HSPG2: variants seen among roughly 807,000 people sequenced by gnomAD.
The protein encoded by HSPG2 is heparan sulfate proteoglycan 2, also known as basement membrane-specific heparan sulfate proteoglycan core protein.
Under a neutral mutation model 526.6 loss-of-function variants are expected in HSPG2, and 278 were observed. That is an observed-to-expected ratio of 0.53 (90% CI 0.48 to 0.58). The LOEUF is 0.58. HSPG2 is among the 20% of genes least tolerant of loss of function. The pLI, the probability that HSPG2 is intolerant of heterozygous loss-of-function variation, is 0.00. For missense variants in HSPG2, 5,354 were observed against 6,099.5 expected (o/e 0.88, Z 4.07); for synonymous variants, 2,465 against 2,555.4 (o/e 0.96, Z 1.07).
chr1:21,901,746 G>C (rs12752439), intron 1 of HSPG2, among the ~76,000 whole-genome samples: 36,261 of 151,950 alleles, frequency 0.24, 5,254 homozygotes, highest in East Asian at 0.39. Context: ...TGTGGGGATG[G>C]AGTGAGCTCA....
At chr1:21,875,147 C>T (rs1033830784) in intron 25 of HSPG2, 145 bp from the exon 26 acceptor site, 7 of 696,094 alleles carry the variant, frequency 1.0e-5, no homozygotes, top group African/African-American at 3.5e-5. Flanking sequence ...CCAGAGGCTG[C>T]GAGGACCGTG....
At position 21,828,322 on chromosome 1, in the gene HSPG2, T is replaced by A; in HGVS notation, c.12342A>T (p.Gln4114His). The A allele has an allele frequency of 1.2e-6, 2 of 1,613,822 alleles. No individual in the cohort carries two copies. Among genetic ancestry groups the A allele is most frequent in the Non-Finnish European group, 1.7e-6 (2 of 1,180,030 alleles). ...CAGCGGGCATGCACGTGGCACCATG[T>A]TGGCAAGGCTGGCGCTCACATGGGG... The part of the protein sequence containing the change: ...DSSPCERQPC[Q>H]HGATCMPAGE... Residue 4114 changes from glutamine (Q) to histidine (H), a missense_variant, in exon 89 of 97, where the codon CAA becomes CAT. By Grantham distance (24) the Gln-to-His change is conservative. Transcript: ENST00000374695. This position sits in a 1 kb window ranked among gnomAD's most constrained non-coding sequence, Gnocchi z 6.0.
intron 74 of HSPG2, among the ~76,000 whole-genome samples, chr1:21,838,131 G>C (rs1472126938): frequency 1.3e-5 from 1 of 79,772 alleles, no homozygotes; most frequent in African/African-American, 5.4e-5. Context: ...GTGAGATTCT[G>C]TCTCAAAAAA....
At chr1:21,857,436 C>A (rs1375725432) in intron 42 of HSPG2, 51 bp from the exon 43 acceptor site, 3 of 1,509,522 alleles carry the variant, frequency 2.0e-6, no homozygotes, top group Admixed American at 3.4e-5. Context: ...AGGCCCCGGT[C>A]CTGTGGCCAC....
rs1423652610 is a variant in HSPG2, at chr1:21,872,460, G to A, written c.4030-83C>T. ...ATGGGGCACGGGAGGGTGTTAAGGT[G>A]CGGAATGGGGTCCTGTTGAGATCAG... On this transcript the variant is annotated intron_variant, in intron 32 of 96. Coordinates refer to ENST00000374695, the MANE Select transcript of HSPG2 (RefSeq NM_005529.7). This position sits in a 1 kb window ranked among gnomAD's most constrained non-coding sequence, Gnocchi z 5.5. 1 of 1,419,726 alleles carries A rather than the reference G, an allele frequency of 7.0e-7. No homozygotes were observed. The highest frequency in any genetic ancestry group is 2.0e-5 in the Admixed American group (1 of 50,400). 87.9% of individuals were successfully genotyped at this position (1,419,726 alleles called of 1,614,324 possible). A position where few individuals can be genotyped will look rare whatever the true frequency, so the allele number is the denominator to read the frequency against.
Position 21,875,660 on chromosome 1 carries a change from C to T in HSPG2, c.3271G>A (p.Ala1091Thr). 1 of 1,602,892 alleles carries T rather than the reference C, an allele frequency of 6.2e-7. No homozygotes were observed. The highest frequency in any genetic ancestry group is 8.5e-7 in the Non-Finnish European group (1 of 1,179,960). Residue 1091 changes from alanine (A) to threonine (T), a missense_variant, in exon 25 of 97, where the codon GCA (alanine) becomes ACA (threonine). Transcript: ENST00000374695. ...TCAGCGGGCTGCTGGGCGTAGGATG[C>T]TCGGATCAGGAGGGTGTCGATGCCT... Reference protein sequence around the residue: ...LAGIDTLLIRASYAQQPAESR... With the variant: ...LAGIDTLLIRTSYAQQPAESR...
intron 13 of HSPG2, among the ~76,000 whole-genome samples, chr1:21,882,651 A>T (rs573616627): frequency 6.6e-6 from 1 of 152,146 alleles, no homozygotes; most frequent in Non-Finnish European, 1.5e-5. Context: ...CACTGGAGAC[A>T]TGTCTTGTGC....
intron 29 of HSPG2, among the ~76,000 whole-genome samples, chr1:21,873,644 AAAG>A (rs1461522837): frequency 1.3e-5 from 2 of 152,096 alleles, no homozygotes; most frequent in South Asian, 2.1e-4. Flanking sequence ...GGAGTTTCAG[AAAG>A]AAGCAGGGGT....
chr1:21,908,168 T>C (rs1228195378), intron 1 of HSPG2: 1 of 828,876 alleles, frequency 1.2e-6, no homozygotes, highest in South Asian at 1.3e-5. Flanking sequence ...AAACATGGAG[T>C]TGTTCCTTTG....
In HSPG2 at chr1:21,885,109, C is replaced by T. The variant is rs143706338; in HGVS notation, c.1259G>A (p.Arg420Gln). The change falls in exon 11 of 97, where the codon CGG becomes CAG. Residue 420 changes from arginine (R) to glutamine (Q), a missense_variant. Arg to Gln is a conservative substitution (Grantham distance 43). Coordinates refer to ENST00000374695, the MANE Select transcript of HSPG2 (RefSeq NM_005529.7). ...TPPRESIQASRGQTVTFTCVA... is the reference protein window; with the variant it reads ...TPPRESIQASQGQTVTFTCVA... ...GCAGGTGAAGGTCACTGTCTGGCCC[C>T]GGGAAGCCTGGATGGACTCCCGGGG... 654 of 1,612,838 alleles carry T rather than the reference C, an allele frequency of 4.1e-4. No homozygotes were observed. Among genetic ancestry groups the T allele is most frequent in the Non-Finnish European group, 5.2e-4 (609 of 1,179,654 alleles).
At chr1:21,899,051 G>A (rs149818879) in intron 1 of HSPG2, among the ~76,000 whole-genome samples, 8 of 152,132 alleles carry the variant, frequency 5.3e-5, no homozygotes, top group Non-Finnish European at 1.2e-4. Flanking sequence ...GCCAGAGCAC[G>A]TCGGGACTTG....
chr1:21,875,565 T>C (rs1422192549), intron 25 of HSPG2, 64 bp downstream of exon 25: 3 of 1,223,366 alleles, frequency 2.5e-6, no homozygotes, highest in Non-Finnish European at 3.6e-6. Flanking sequence ...TGTGCTGTAC[T>C]GCACCGCTTA....
At chr1:21,928,757 T>TC (rs1034550026) in intron 1 of HSPG2, among the ~76,000 whole-genome samples, 1 of 149,390 alleles carries the variant, frequency 6.7e-6, no homozygotes, top group East Asian at 2.0e-4. Flanking sequence ...TCACTTGATT[T>TC]TTTTTTTTTG....
At chr1:21,915,762 AT>A (rs113163773) in intron 1 of HSPG2, among the ~76,000 whole-genome samples, 1 of 152,130 alleles carries the variant, frequency 6.6e-6, no homozygotes, top group Non-Finnish European at 1.5e-5. Context: ...AAGAAACTGA[AT>A]TTTTTGCCGG....
chr1:21,860,178 C>T lies in HSPG2; in HGVS notation c.5013G>A (p.Glu1671=), dbSNP rs1186370534. The change falls in exon 40 of 97, where the codon GAG becomes GAA. Residue 1671 remains glutamate, a splice_region_variant and synonymous_variant. Transcript: ENST00000374695. ...ATCCTGGGCCATGGTCCCACTTACTCTCTGGCAGGCACTGGCCCCCTTGCA... is the reference window on the plus strand; with the variant it reads ...ATCCTGGGCCATGGTCCCACTTACTTTCTGGCAGGCACTGGCCCCCTTGCA... ...PSVQGGQCLP[E]TNQAPLVVEV... is the part of the protein sequence containing the mutation. 20 of 1,613,762 alleles carry T rather than the reference C, an allele frequency of 1.2e-5. No homozygotes were observed. The highest frequency in any genetic ancestry group is 2.2e-5 in the East Asian group (1 of 44,894).
chr1:21,823,535 G>A, intron 96 of HSPG2, 47 bp from the exon 97 acceptor site: 1 of 1,608,978 alleles, frequency 6.2e-7, no homozygotes, highest in Non-Finnish European at 8.5e-7. Flanking sequence ...AGCAGCCCAG[G>A]AGGCGAGGAA....
At chr1:21,896,053 A>G (rs1642720867) in intron 2 of HSPG2, 87 bp from the exon 3 acceptor site, 12 of 1,589,834 alleles carry the variant, frequency 7.5e-6, no homozygotes, top group Non-Finnish European at 9.5e-6. Flanking sequence ...GGCACCTAGT[A>G]TACAGTGGGA....
chr1:21,832,242 G>GATGC (rs145358134), intron 81 of HSPG2, among the ~76,000 whole-genome samples: 1 of 152,144 alleles, frequency 6.6e-6, no homozygotes. Context: ...GCAAATAACT[G>GATGC]ATGCATGCAT....
In HSPG2 at chr1:21,893,430, G is replaced by A. The variant is rs529407892; in HGVS notation, c.244+2492C>T. 1.1e-4 allele frequency among the ~76,000 whole-genome samples: 17 copies of A among 152,372 alleles called. No individual in the cohort carries two copies. In the South Asian group the frequency reaches 3.5e-3, roughly 32 times the overall value. On this transcript the variant is annotated intron_variant, in intron 3 of 96. Transcript: ENST00000374695. The surrounding 1 kb of genome is among the most constrained non-coding windows in gnomAD (Gnocchi z 4.3). The stretch of plus-strand genomic sequence containing the variant: ...TGGCCTAGCCCCTGGACTCTGCAGG[G>A]AGGTGCCTCTGAGCCTCTTGTGTGA...
Sources: allele counts gnomAD v4.1 joint callset (sites outside exome capture counted in the v4.1 genomes callset), GRCh38; gene constraint gnomAD v4.1.1; non-coding constraint Gnocchi (gnomAD v3.1); transcripts MANE v1.5; gene names NCBI Gene and HGNC (gene_info 2026-07-23, HGNC 2026-07-21).